The following DTNB variants were observed in gnomAD, a reference collection of about 807,000 sequenced individuals.
DTNB encodes the protein dystrobrevin beta.
DTNB carries 63 observed loss-of-function variants against 90.7 expected under a neutral mutation model. The ratio of observed to expected loss-of-function variants is 0.69; its 90% CI spans 0.57 to 0.86. The LOEUF (loss-of-function observed/expected upper bound fraction) is 0.86, where lower values mean the gene tolerates loss of function less well. DTNB is among the 40% of genes least tolerant of loss of function. The pLI is 0.00. For synonymous variants in DTNB, 277 were observed against 286.7 expected (o/e 0.97, Z 0.34); for missense variants, 744 against 807.1 (o/e 0.92, Z 0.95).
At chr2:25,591,992 C>T (rs1050931400) in intron 6 of DTNB, among the ~76,000 whole-genome samples, 11 of 137,992 alleles carry the variant, frequency 8.0e-5, no homozygotes, top group Admixed American at 1.7e-4. Flanking sequence ...ACCGGGGAGG[C>T]AGAGGTTGCA....
At chr2:25,486,280 T>G (rs370404726) in intron 9 of DTNB, among the ~76,000 whole-genome samples, 8 of 151,744 alleles carry the variant, frequency 5.3e-5, no homozygotes, top group Admixed American at 1.3e-4. Context: ...CTGGGCAACA[T>G]AGCGAAACCC....
At chr2:25,594,625 T>C (rs1221433639) in intron 6 of DTNB, among the ~76,000 whole-genome samples, 1 of 152,240 alleles carries the variant, frequency 6.6e-6, no homozygotes, top group African/African-American at 2.4e-5. Flanking sequence ...TACAACATCC[T>C]TTCAGTTCTC....
At chr2:25,670,898 C>T (rs1181391082) in intron 1 of DTNB, among the ~76,000 whole-genome samples, 1 of 152,214 alleles carries the variant, frequency 6.6e-6, no homozygotes, top group East Asian at 1.9e-4. Flanking sequence ...CCATCCCACT[C>T]TGTCCCACCT....
At chr2:25,602,383 T>C (rs943655877) in intron 5 of DTNB, among the ~76,000 whole-genome samples, 1 of 152,196 alleles carries the variant, frequency 6.6e-6, no homozygotes, top group Non-Finnish European at 1.5e-5. Flanking sequence ...ATCTGAAAAA[T>C]GTAAATCTAG....
intron 9 of DTNB, 89 bp downstream of exon 9, chr2:25,531,384 T>C (rs1226972283): frequency 2.6e-6 from 4 of 1,530,528 alleles, no homozygotes; most frequent in Non-Finnish European, 3.5e-6. Context: ...TGAATGGTCA[T>C]GTTAAGTGAT....
chr2:25,613,427 C>G (rs1163972186), intron 4 of DTNB, among the ~76,000 whole-genome samples: 1 of 152,164 alleles, frequency 6.6e-6, no homozygotes. Flanking sequence ...TCCCCTGTGT[C>G]TACTGTTCCC....
At chr2:25,404,453 G>A (rs1192066895) in intron 16 of DTNB, among the ~76,000 whole-genome samples, 5 of 152,128 alleles carry the variant, frequency 3.3e-5, no homozygotes, top group South Asian at 2.1e-4. Context: ...GAGACGGGGC[G>A]GTGAAGCTGG....
intron 4 of DTNB, among the ~76,000 whole-genome samples, chr2:25,623,301 T>C (rs760999278): frequency 1.3e-5 from 2 of 152,036 alleles, no homozygotes; most frequent in Non-Finnish European, 2.9e-5. Flanking sequence ...GGGAGGTGAG[T>C]GCAATGGATG....
chr2:25,546,277 A>G (rs1372360589), intron 8 of DTNB, among the ~76,000 whole-genome samples: 3 of 152,190 alleles, frequency 2.0e-5, no homozygotes, highest in African/African-American at 7.2e-5. Context: ...TTCTCTCACA[A>G]GGTTTTGTGC....
At chr2:25,603,843 T>C (rs532805424) in intron 5 of DTNB, among the ~76,000 whole-genome samples, 3 of 152,270 alleles carry the variant, frequency 2.0e-5, no homozygotes, top group Admixed American at 1.3e-4. Flanking sequence ...CAAAGATCAT[T>C]TGCTGTTACA....
chr2:25,620,822 T>TA (rs1443211011), intron 4 of DTNB, among the ~76,000 whole-genome samples: 1 of 151,850 alleles, frequency 6.6e-6, no homozygotes, highest in African/African-American at 2.4e-5. Flanking sequence ...AAAAATAAAA[T>TA]AAATAGCCTG....
intron 9 of DTNB, among the ~76,000 whole-genome samples, chr2:25,518,269 G>C (rs2075491793): frequency 6.6e-6 from 1 of 152,298 alleles, no homozygotes; most frequent in African/African-American, 2.4e-5. Context: ...GTGAGATTTT[G>C]AGTTTAAAAG....
intron 9 of DTNB, among the ~76,000 whole-genome samples, chr2:25,498,965 C>T (rs2069716315): frequency 1.3e-5 from 2 of 150,270 alleles, no homozygotes; most frequent in African/African-American, 4.9e-5. Flanking sequence ...CCTGTAATCC[C>T]AGTACTTTAG....
intron 19 of DTNB, 38 bp from the exon 20 acceptor site, chr2:25,379,361 C>G: frequency 2.3e-6 from 3 of 1,309,836 alleles, no homozygotes; most frequent in Non-Finnish European, 2.9e-6. Context: ...ACTGAGGTCA[C>G]GGCCAGGTCT....
chr2:25,550,925 T>C (rs1392075152), intron 8 of DTNB, among the ~76,000 whole-genome samples: 1 of 152,188 alleles, frequency 6.6e-6, no homozygotes, highest in Non-Finnish European at 1.5e-5. Context: ...GCTGGGATTA[T>C]AGGCGTGAGC....
chr2:25,627,397 A>G (rs1295846142), intron 4 of DTNB, among the ~76,000 whole-genome samples: 1 of 152,052 alleles, frequency 6.6e-6, no homozygotes, highest in Non-Finnish European at 1.5e-5. Flanking sequence ...CTGGGCAACA[A>G]GAGAGAAACT....
chr2:25,540,870 C>A lies in DTNB; in HGVS notation c.877-9273G>T, dbSNP rs527792410. 4.2e-3 allele frequency among the ~76,000 whole-genome samples: 637 copies of A among 152,014 alleles called. 3 individuals are homozygous for A. Among genetic ancestry groups the A allele is most frequent in the African/African-American group, 0.014 (596 of 41,432 alleles). On this transcript the variant is annotated intron_variant, in intron 8 of 20. Transcript: ENST00000406818. ...ATGCTCGTTAAGAGTCATCACCACT[C>A]CCTAATCTCAAGTACCCAGGGACAC...
intron 1 of DTNB, 73 bp from the exon 2 acceptor site, chr2:25,652,734 T>C (rs1262575076): frequency 6.0e-6 from 9 of 1,498,380 alleles, no homozygotes; most frequent in Non-Finnish European, 8.1e-6. Context: ...CATTCTATTG[T>C]GAAGAGGGAC....
Position 25,427,073 on chromosome 2 carries a change from G to C in DTNB, c.1554+462C>G, listed in dbSNP as rs528074427. On this transcript the variant is annotated intron_variant, in intron 15 of 20. Transcript: ENST00000406818. The stretch of plus-strand genomic sequence containing the variant: ...GGCGCCTGTAATCCCAGCTACTCGG[G>C]AGGCTGAGGCAGGAGAATCACTTGA... 1.1e-3 allele frequency among the ~76,000 whole-genome samples: 169 copies of C among 152,160 alleles called. 2 individuals carry two copies. Among genetic ancestry groups the C allele is most frequent in the African/African-American group, 3.7e-3 (152 of 41,504 alleles).
Sources: gnomAD v4.1 joint callset for allele counts (sites outside exome capture counted in the v4.1 genomes callset) on GRCh38, gnomAD v4.1.1 for gene constraint, MANE v1.5 for transcripts, NCBI Gene and HGNC (gene_info 2026-07-23, HGNC 2026-07-21) for gene names.